The following PTPRD variants were observed in gnomAD, a reference collection of about 807,000 sequenced individuals.
PTPRD encodes the protein protein tyrosine phosphatase receptor type D, also known as receptor-type tyrosine-protein phosphatase delta.
In PTPRD, 34 loss-of-function variants were observed where a neutral mutation model predicts 214.5. The observed-to-expected ratio is 0.16, with a 90% CI of 0.12 to 0.21. PTPRD has a LOEUF of 0.21. Among genes scored for constraint, PTPRD ranks in the 10% least tolerant of loss-of-function variants. The pLI, the probability that PTPRD is intolerant of heterozygous loss-of-function variation, is 1.00. For synonymous variants in PTPRD, 1,128 were observed against 845.7 expected (o/e 1.33, Z -5.79); for missense variants, 2,545 against 2,398.7 (o/e 1.06, Z -1.27).
At chr9:9,663,852 G>A (rs2096664603) in intron 7 of PTPRD, among the ~76,000 whole-genome samples, 1 of 151,478 alleles carries the variant, frequency 6.6e-6, no homozygotes, top group Non-Finnish European at 1.5e-5. Context: ...AATGTCAAAA[G>A]CAAAGTTGTA....
At chr9:10,164,591 A>G (rs1050360721) in intron 3 of PTPRD, among the ~76,000 whole-genome samples, 2 of 151,670 alleles carry the variant, frequency 1.3e-5, no homozygotes, top group African/African-American at 4.8e-5. Flanking sequence ...CTAAAATACA[A>G]AAGAAAATTA....
chr9:9,458,950 C>G (rs868380516), intron 8 of PTPRD, among the ~76,000 whole-genome samples: 61 of 152,082 alleles, frequency 4.0e-4, no homozygotes, highest in African/African-American at 1.3e-3. Context: ...AAAATGAAAA[C>G]AAACAAACAC....
At chr9:9,515,579 A>G (rs1041707471) in intron 8 of PTPRD, among the ~76,000 whole-genome samples, 2 of 152,078 alleles carry the variant, frequency 1.3e-5, no homozygotes, top group African/African-American at 4.8e-5. Flanking sequence ...TGGTTGCAAA[A>G]TGAATTAAAT....
chr9:9,658,004 C>T (rs1350616185), intron 7 of PTPRD, among the ~76,000 whole-genome samples: 1 of 152,136 alleles, frequency 6.6e-6, no homozygotes, highest in Non-Finnish European at 1.5e-5. Flanking sequence ...TGTTTAGTTT[C>T]TTTTTGTGAA....
chr9:9,877,897 CG>C (rs2067354596), intron 5 of PTPRD, among the ~76,000 whole-genome samples: 1 of 140,566 alleles, frequency 7.1e-6, no homozygotes, highest in Non-Finnish European at 1.5e-5. Flanking sequence ...TGCTTTACCC[CG>C]GGAGGTGGAG....
intron 39 of PTPRD, 136 bp from the exon 40 acceptor site, chr9:8,342,114 G>T (rs1384646252): frequency 3.3e-6 from 3 of 901,476 alleles, no homozygotes; most frequent in African/African-American, 1.7e-5. Context: ...GGATGACTTT[G>T]TAATACTCTA....
At chr9:8,318,739 G>C (rs1364091701) in intron 45 of PTPRD, among the ~76,000 whole-genome samples, 2 of 152,158 alleles carry the variant, frequency 1.3e-5, no homozygotes, top group African/African-American at 4.8e-5. Flanking sequence ...AAAAAAAGCA[G>C]TATGAAGCAT....
Position 8,546,884 on chromosome 9 carries a change from G to C in PTPRD, c.353-18105C>G, listed in dbSNP as rs146520915. ...GTGTCACAGTTTCCCTCTTTCTCACGTCTAGAGATGTTAGTAGATTTGGAG... is the reference window on the plus strand; with the variant it reads ...GTGTCACAGTTTCCCTCTTTCTCACCTCTAGAGATGTTAGTAGATTTGGAG... On this transcript the variant is annotated intron_variant, in intron 14 of 45. Coordinates refer to ENST00000381196, the MANE Select transcript of PTPRD (RefSeq NM_002839.4). Among the ~76,000 whole-genome samples, 12 of 152,232 alleles carry C rather than the reference G, an allele frequency of 7.9e-5. No individual in the cohort carries two copies. In the East Asian group the frequency reaches 2.3e-3, roughly 29 times the overall value.
chr9:9,093,804 GAAGGAAGAAAATA>G (rs2099779664), intron 10 of PTPRD, among the ~76,000 whole-genome samples: 2 of 151,392 alleles, frequency 1.3e-5, no homozygotes, highest in Non-Finnish European at 2.9e-5. Context: ...AGAGCAAGCA[GAAGGAAGAAAATA>G]AAGAGCGGAC....
chr9:10,200,415 G>C (rs1387091171), intron 3 of PTPRD, among the ~76,000 whole-genome samples: 2 of 152,020 alleles, frequency 1.3e-5, no homozygotes, highest in Non-Finnish European at 1.5e-5. Context: ...AGTTAATAGA[G>C]GCCAGGAATG....
intron 11 of PTPRD, among the ~76,000 whole-genome samples, chr9:8,934,494 A>AAT (rs1420703537): frequency 0.035 from 255 of 7,322 alleles, 16 homozygotes; most frequent in Middle Eastern, 0.21. Context: ...TATATATATA[A>AAT]ATATATATAT....
chr9:8,460,508 T>C lies in PTPRD; in HGVS notation c.3778A>G (p.Ile1260Val), dbSNP rs368896994. ...ATCAAGCCTTCTTCTTCATCCGTGA[T>C]TGGCTGCGGATCCAGATCCATTGAC... ...VVSMDLDPQP[I>V]TDEEEGLIWV... Residue 1260 changes from isoleucine (I) to valine (V), a missense_variant, in exon 33 of 46, where the codon ATC becomes GTC. Physicochemically the swap from Ile to Val is conservative, Grantham distance 29. Transcript: ENST00000381196. The C allele has an allele frequency of 5.6e-5, 91 of 1,613,412 alleles. No individual in the cohort carries two copies. Among genetic ancestry groups the C allele is most frequent in the African/African-American group, 1.9e-4 (14 of 74,876 alleles).
intron 9 of PTPRD, among the ~76,000 whole-genome samples, chr9:9,287,910 T>C (rs1413789531): frequency 6.6e-6 from 1 of 151,824 alleles, no homozygotes; most frequent in Non-Finnish European, 1.5e-5. Context: ...TCAGATGCCT[T>C]TGAAAGCATG....
At chr9:9,331,385 C>T (rs1443555092) in intron 9 of PTPRD, among the ~76,000 whole-genome samples, 1 of 151,974 alleles carries the variant, frequency 6.6e-6, no homozygotes, top group Non-Finnish European at 1.5e-5. Flanking sequence ...CGGGATAATT[C>T]ATAGGTGGTA....
chr9:9,776,778 A>T (rs1048251229), intron 5 of PTPRD, among the ~76,000 whole-genome samples: 61 of 152,324 alleles, frequency 4.0e-4, no homozygotes, highest in African/African-American at 1.4e-3. Context: ...AGATCAATAT[A>T]GTCTCATAAA....
intron 2 of PTPRD, among the ~76,000 whole-genome samples, chr9:10,540,228 A>G (rs60551430): frequency 0.094 from 14,372 of 152,140 alleles, 849 homozygotes; most frequent in African/African-American, 0.15. Flanking sequence ...GGGTTTCACC[A>G]TGCTGGCCAG....
At chr9:9,934,495 C>T (rs1033918434) in intron 5 of PTPRD, among the ~76,000 whole-genome samples, 160 of 148,318 alleles carry the variant, frequency 1.1e-3, no homozygotes, top group African/African-American at 3.5e-3. Context: ...ATAAATTCCT[C>T]GACACATACA....
rs150148599 is a variant in PTPRD at position 9,336,623 on chromosome 9, G to T, written c.-203+60826C>A. ...TGTGTTCTGGGATGAGGATAATCATGCTTTGTATACAAAACCACATTTGAT... is the reference window on the plus strand; with the variant it reads ...TGTGTTCTGGGATGAGGATAATCATTCTTTGTATACAAAACCACATTTGAT... On this transcript the variant is annotated intron_variant, in intron 9 of 45. Coordinates refer to ENST00000381196, the MANE Select transcript of PTPRD (RefSeq NM_002839.4). 3.3e-5 allele frequency among the ~76,000 whole-genome samples: 5 copies of T among 152,182 alleles called. No individual in the cohort carries two copies. The East Asian group carries it at 9.7e-4, about 29-fold the overall frequency.
chr9:8,962,522 AAAGG>A (rs2099164064), intron 11 of PTPRD, among the ~76,000 whole-genome samples: 1 of 143,222 alleles, frequency 7.0e-6, no homozygotes, highest in Non-Finnish European at 1.6e-5. Context: ...AAAAAGGAGA[AAAGG>A]AAGAAGAGAG....
Sources: allele counts gnomAD v4.1 joint callset (sites outside exome capture counted in the v4.1 genomes callset), GRCh38; gene constraint gnomAD v4.1.1; transcripts MANE v1.5; gene names NCBI Gene and HGNC (gene_info 2026-07-23, HGNC 2026-07-21).